NADK: variants seen among roughly 807,000 people sequenced by gnomAD.
NADK encodes poly(P)/ATP NAD kinase.
A neutral mutation model predicts 49.8 loss-of-function variants in NADK; 22 were observed. The ratio of observed to expected loss-of-function variants is 0.44; its 90% confidence interval spans 0.32 to 0.63. The LOEUF (loss-of-function observed/expected upper bound fraction) is 0.63. Among genes scored for constraint, NADK ranks in the 30% least tolerant of loss-of-function variants. The probability of loss-of-function intolerance (pLI) is 0.06; values close to 1 mark genes in which losing one functional copy is unlikely to be tolerated. For missense variants in NADK, 438 were observed against 609.4 expected (o/e 0.72, Z 2.96); for synonymous variants, 268 against 253.7 (o/e 1.06, Z -0.54).
chr1:1,765,868 C>T (rs988731187), intron 1 of NADK, among the ~76,000 whole-genome samples: 3 of 152,256 alleles, frequency 2.0e-5, no homozygotes, highest in Admixed American at 1.3e-4. Context: ...CGAGATCATG[C>T]CATTGCACTC....
chr1:1,766,120 G>A (rs756905163), intron 1 of NADK, among the ~76,000 whole-genome samples: 19 of 151,708 alleles, frequency 1.3e-4, no homozygotes, highest in Non-Finnish European at 2.4e-4. Flanking sequence ...AATTAGCCGG[G>A]CATGGTAGCC....
At chr1:1,758,445 G>A (rs1645602994) in intron 3 of NADK, 1 of 1,612,170 alleles carries the variant, frequency 6.2e-7, no homozygotes. Context: ...CACACATGTG[G>A]CTCGCGAGGT....
chr1:1,759,762 C>T (rs745456337), intron 3 of NADK: 34 of 1,555,924 alleles, frequency 2.2e-5, no homozygotes, highest in African/African-American at 2.7e-5. Context: ...TGTCTGGCCT[C>T]GGGCAGCTCG....
At position 1,762,283 on chromosome 1, in the gene NADK, C is replaced by G. The variant is rs955355121; in HGVS notation, c.180-248G>C. ...AGATCATGACCCAAGCCGGGGAGAG[C>G]TTCAGCCCAAACAAGGAAAATGCCA... On this transcript the variant is annotated intron_variant, in intron 2 of 11. Transcript: ENST00000341426. Among the ~76,000 whole-genome samples, 3 of 152,322 alleles carry G rather than the reference C, an allele frequency of 2.0e-5. No individual in the cohort carries two copies. In the East Asian group the frequency reaches 5.8e-4, roughly 29 times the overall value.
chr1:1,758,734 A>G (rs1354777113), intron 3 of NADK: 4 of 859,694 alleles, frequency 4.7e-6, no homozygotes, highest in Admixed American at 6.2e-5. Flanking sequence ...ATCCCTTCTG[A>G]AAAAAAGTCC....
At chr1:1,761,699 G>A (rs1645729839) in intron 3 of NADK, 1 of 393,868 alleles carries the variant, frequency 2.5e-6, no homozygotes, top group South Asian at 3.7e-5. Flanking sequence ...CACTGGAAAA[G>A]CCACAGCTGG....
chr1:1,760,374 C>A (rs1016198199), intron 3 of NADK, among the ~76,000 whole-genome samples: 1 of 152,184 alleles, frequency 6.6e-6, no homozygotes, highest in African/African-American at 2.4e-5. Flanking sequence ...CTGCCTGGGA[C>A]GCACGCTGCC....
chr1:1,753,999 G>A (rs1645423113), intron 10 of NADK, 52 bp downstream of exon 10: 2 of 1,525,968 alleles, frequency 1.3e-6, no homozygotes, highest in South Asian at 2.5e-5. Context: ...GCTTTGTGTT[G>A]CACGGGGTCA....
chr1:1,766,014 T>A (rs1645874451), intron 1 of NADK, among the ~76,000 whole-genome samples: 1 of 151,874 alleles, frequency 6.6e-6, no homozygotes, highest in South Asian at 2.1e-4. Context: ...ATGCCTGTAA[T>A]CCCAGCACTT....
At chr1:1,771,613 G>C (rs912158484) in intron 1 of NADK, among the ~76,000 whole-genome samples, 1 of 152,096 alleles carries the variant, frequency 6.6e-6, no homozygotes, top group African/African-American at 2.4e-5. Context: ...TTTTTGACAG[G>C]TGCTGAGGTG....
chr1:1,777,081 C>A (rs1246863446), intron 1 of NADK, among the ~76,000 whole-genome samples: 1 of 152,136 alleles, frequency 6.6e-6, no homozygotes, highest in Non-Finnish European at 1.5e-5. Flanking sequence ...CTGTTTCTAA[C>A]ATACACACAC....
At chr1:1,757,676 T>C (rs1645574234) in intron 3 of NADK, among the ~76,000 whole-genome samples, 2 of 152,126 alleles carry the variant, frequency 1.3e-5, no homozygotes, top group South Asian at 2.1e-4. Context: ...CGAAAGCCCA[T>C]GGCTGGGCCA....
At chr1:1,767,640 T>C (rs1645926351) in intron 1 of NADK, among the ~76,000 whole-genome samples, 1 of 152,332 alleles carries the variant, frequency 6.6e-6, no homozygotes, top group Admixed American at 6.5e-5. Context: ...AAAGGATAAA[T>C]GTGACATTAT....
chr1:1,776,276 A>G (rs546826417), intron 1 of NADK, among the ~76,000 whole-genome samples: 60 of 152,284 alleles, frequency 3.9e-4, no homozygotes, highest in Non-Finnish European at 4.3e-4. Flanking sequence ...CTCCACAAGA[A>G]CTGCTCTTGA....
chr1:1,769,317 C>T (rs554673814), intron 1 of NADK, among the ~76,000 whole-genome samples: 15 of 152,226 alleles, frequency 9.9e-5, no homozygotes, highest in African/African-American at 2.9e-4. Context: ...AAGGCCGAAG[C>T]GGGCAGATCA....
intron 1 of NADK, among the ~76,000 whole-genome samples, chr1:1,770,104 G>C (rs1042799779): frequency 3.3e-5 from 5 of 152,030 alleles, no homozygotes; most frequent in African/African-American, 9.7e-5. Context: ...GAACCTATGA[G>C]GTGGAGGGTG....
At chr1:1,759,060 C>A in intron 3 of NADK, 1 of 1,488,864 alleles carries the variant, frequency 6.7e-7, no homozygotes, top group Non-Finnish European at 9.0e-7. Flanking sequence ...CCGCCCTGCA[C>A]ACGGCTCCCC....
intron 1 of NADK, among the ~76,000 whole-genome samples, chr1:1,769,383 C>G (rs948441435): frequency 6.6e-6 from 1 of 152,138 alleles, no homozygotes; most frequent in Non-Finnish European, 1.5e-5. Flanking sequence ...CCCGTCTCTA[C>G]TAAAAATACA....
intron 3 of NADK, 149 bp from the exon 4 acceptor site, chr1:1,757,459 T>C: frequency 1.5e-6 from 1 of 679,990 alleles, no homozygotes; most frequent in Non-Finnish European, 2.5e-6. Flanking sequence ...TCACAGGGCC[T>C]AGGGTCGCGC....
Sources: gnomAD v4.1 joint callset for allele counts (sites outside exome capture counted in the v4.1 genomes callset) on GRCh38, gnomAD v4.1.1 for gene constraint, MANE v1.5 for transcripts, NCBI Gene and HGNC (gene_info 2026-07-23, HGNC 2026-07-21) for gene names.